ZNF423: variants seen among roughly 807,000 people sequenced by gnomAD.
ZNF423 encodes Ebf-associated zinc finger protein.
In ZNF423, 12 loss-of-function variants were observed where a neutral mutation model predicts 95.8. The ratio of observed to expected loss-of-function variants is 0.13; its 90% CI spans 0.08 to 0.20. The LOEUF (loss-of-function observed/expected upper bound fraction) is 0.20. ZNF423 is among the 10% of genes least tolerant of loss of function. The probability of loss-of-function intolerance (pLI) is 1.00; values close to 1 mark genes in which losing one functional copy is unlikely to be tolerated. For synonymous variants in ZNF423, 749 were observed against 711.9 expected, an observed-to-expected ratio of 1.05 and a Z score of -0.83; for missense variants, 1,316 against 1,737.1, an observed-to-expected ratio of 0.76 and a Z score of 4.31.
intron 7 of ZNF423, among the ~76,000 whole-genome samples, chr16:49,510,425 C>T (rs182719543): frequency 7.2e-5 from 11 of 152,286 alleles, no homozygotes; most frequent in African/African-American, 2.2e-4. Context: ...AACCCTTCGC[C>T]GCAAAGCAGT....
chr16:49,732,970 C>G (rs1345141800), intron 2 of ZNF423, among the ~76,000 whole-genome samples: 1 of 152,166 alleles, frequency 6.6e-6, no homozygotes, highest in Non-Finnish European at 1.5e-5. Flanking sequence ...AAGGGATGTA[C>G]AGTTTTTAGG....
chr16:49,590,826 C>A (rs567412131), intron 5 of ZNF423, among the ~76,000 whole-genome samples: 1 of 152,348 alleles, frequency 6.6e-6, no homozygotes, highest in Admixed American at 6.5e-5. Context: ...TGGGCTCCAG[C>A]CGGCCCGGTG....
intron 1 of ZNF423, among the ~76,000 whole-genome samples, chr16:49,795,060 C>T (rs1366789847): frequency 1.3e-5 from 2 of 151,982 alleles, no homozygotes; most frequent in Non-Finnish European, 2.9e-5. Context: ...GTAGTAGAAA[C>T]GGGGCTTCAC....
intron 3 of ZNF423, among the ~76,000 whole-genome samples, chr16:49,688,483 C>T (rs1873814000): frequency 6.6e-6 from 1 of 152,166 alleles, no homozygotes; most frequent in Non-Finnish European, 1.5e-5. Flanking sequence ...TGACGGGAAC[C>T]TTCAGGAAGA....
At chr16:49,779,963 T>A (rs1383786425) in intron 2 of ZNF423, among the ~76,000 whole-genome samples, 1 of 151,908 alleles carries the variant, frequency 6.6e-6, no homozygotes, top group Non-Finnish European at 1.5e-5. Flanking sequence ...CGCTGCAAAA[T>A]CTCAATGCCA....
intron 5 of ZNF423, among the ~76,000 whole-genome samples, chr16:49,555,249 G>A (rs1453530615): frequency 6.6e-6 from 1 of 152,130 alleles, no homozygotes; most frequent in African/African-American, 2.4e-5. Context: ...CCTAGCCCTT[G>A]CCACAAGGAA....
At chr16:49,834,467 C>T (rs1250047809) in intron 1 of ZNF423, among the ~76,000 whole-genome samples, 2 of 152,172 alleles carry the variant, frequency 1.3e-5, no homozygotes, top group African/African-American at 2.4e-5. Flanking sequence ...GATTTGACCC[C>T]GGCTCCAGCC....
chr16:49,759,196 G>A (rs1247206567), intron 2 of ZNF423, among the ~76,000 whole-genome samples: 3 of 152,124 alleles, frequency 2.0e-5, no homozygotes, highest in South Asian at 2.1e-4. Context: ...CCAGGAGTTC[G>A]AGACCATCTT....
intron 5 of ZNF423, among the ~76,000 whole-genome samples, chr16:49,565,697 G>A (rs924996010): frequency 6.6e-6 from 1 of 152,190 alleles, no homozygotes; most frequent in Admixed American, 6.5e-5. Flanking sequence ...ACCCATCGGG[G>A]CTCCGTGAAC....
At chr16:49,857,596 T>A (rs1407251940), upstream of ZNF423, 1 of 152,272 alleles carries the variant, frequency 6.6e-6, no homozygotes, top group African/African-American at 2.4e-5. The surrounding 1 kb of genome is among the most constrained non-coding windows in gnomAD (Gnocchi z 6.2). Context: ...TGCCCACCGG[T>A]CGGTGTTCAA....
chr16:49,602,258 C>T (rs750963481), intron 5 of ZNF423, among the ~76,000 whole-genome samples: 3 of 152,332 alleles, frequency 2.0e-5, no homozygotes, highest in East Asian at 1.9e-4. Context: ...GTTCTGACAA[C>T]CAGTCCTCCC....
intron 1 of ZNF423, among the ~76,000 whole-genome samples, chr16:49,807,701 C>T (rs1469898354): frequency 1.3e-5 from 2 of 152,232 alleles, no homozygotes; most frequent in Non-Finnish European, 2.9e-5. Flanking sequence ...CAGGCAGCTC[C>T]ACCTGGCAGC....
chr16:49,513,024 A>T (rs1967961263), intron 7 of ZNF423, among the ~76,000 whole-genome samples: 1 of 152,108 alleles, frequency 6.6e-6, no homozygotes, highest in African/African-American at 2.4e-5. Context: ...TGAACCCGGG[A>T]GGCGGAGATT....
upstream of ZNF423, chr16:49,856,175 G>A (rs1230311387): frequency 5.1e-5 from 2 of 39,594 alleles, no homozygotes; most frequent in African/African-American, 1.0e-4. Flanking sequence ...ACCCCCCGCC[G>A]GCCCCCGGCC....
chr16:49,666,366 A>C (rs1045181316), intron 3 of ZNF423, among the ~76,000 whole-genome samples: 1 of 152,190 alleles, frequency 6.6e-6, no homozygotes, highest in Non-Finnish European at 1.5e-5. Flanking sequence ...CACCTACGAC[A>C]TACAGCCACC....
Position 49,489,700 on chromosome 16 carries a change from G to A in ZNF423, c.*1575C>T, listed in dbSNP as rs1034216149. 1 of 152,198 alleles carries A rather than the reference G, an allele frequency of 6.6e-6. No individual in the cohort carries two copies. The highest frequency in any genetic ancestry group is 2.4e-5 in the African/African-American group (1 of 41,440). 9.4% of individuals were successfully genotyped at this position (152,198 alleles called of 1,614,324 possible). A position where few individuals can be genotyped will look rare whatever the true frequency, so the allele number is the denominator to read the frequency against. ...ATTACATTATAATTAGGTGCAATCT[G>A]TCTGCCTGTTTCATTTCCGCTCTGC... On this transcript the variant is annotated 3_prime_UTR_variant, in exon 8 of 8. Transcript: ENST00000563137.
intron 7 of ZNF423, among the ~76,000 whole-genome samples, chr16:49,496,213 G>T (rs1967160155): frequency 6.6e-6 from 1 of 152,240 alleles, no homozygotes; most frequent in African/African-American, 2.4e-5. Context: ...CCTTGGGCAA[G>T]TTCTGTGACC....
intron 2 of ZNF423, among the ~76,000 whole-genome samples, chr16:49,771,898 C>T (rs1319420851): frequency 1.3e-5 from 2 of 152,162 alleles, no homozygotes; most frequent in Non-Finnish European, 2.9e-5. Flanking sequence ...GAACTAGAGC[C>T]TTAGCCAGGG....
chr16:49,547,760 T>C (rs1425598548), intron 5 of ZNF423, among the ~76,000 whole-genome samples: 1 of 152,232 alleles, frequency 6.6e-6, no homozygotes, highest in Non-Finnish European at 1.5e-5. Context: ...AAAGTCGCTC[T>C]TGACGATAAT....
Sources: allele counts gnomAD v4.1 joint callset (sites outside exome capture counted in the v4.1 genomes callset), GRCh38; gene constraint gnomAD v4.1.1; non-coding constraint Gnocchi (gnomAD v3.1); transcripts MANE v1.5; gene names NCBI Gene and HGNC (gene_info 2026-07-23, HGNC 2026-07-21).